The following PTPRT variants were observed in gnomAD, a reference collection of about 807,000 sequenced individuals.
PTPRT encodes receptor-type tyrosine-protein phosphatase T.
In PTPRT, 56 loss-of-function variants were observed where a neutral mutation model predicts 176.8. The ratio of observed to expected loss-of-function variants is 0.32; its 90% CI spans 0.26 to 0.40. The LOEUF (loss-of-function observed/expected upper bound fraction) is 0.40, where lower values mean the gene tolerates loss of function less well. PTPRT is among the 10% of genes least tolerant of loss of function. The probability of loss-of-function intolerance (pLI) is 1.00; values close to 1 mark genes in which losing one functional copy is unlikely to be tolerated. For missense variants in PTPRT, 1,540 were observed against 1,908.2 expected (o/e 0.81, Z 3.60); for synonymous variants, 783 against 739.0 (o/e 1.06, Z -0.96).
intron 9 of PTPRT, among the ~76,000 whole-genome samples, chr20:42,428,807 C>A (rs1368560810): frequency 6.6e-6 from 1 of 152,166 alleles, no homozygotes; most frequent in Admixed American, 6.5e-5. Context: ...TGACAGGGCA[C>A]CCCTCCTCAA....
intron 6 of PTPRT, among the ~76,000 whole-genome samples, chr20:42,686,515 A>C (rs1414823449): frequency 4.0e-5 from 4 of 100,148 alleles, no homozygotes; most frequent in African/African-American, 7.7e-5. Flanking sequence ...ACAGAGTCTC[A>C]CTCTGTCACC....
chr20:42,755,569 A>G (rs2076819100), intron 6 of PTPRT, among the ~76,000 whole-genome samples: 1 of 121,726 alleles, frequency 8.2e-6, no homozygotes, highest in Non-Finnish European at 1.6e-5. Context: ...AAACTGTCAA[A>G]CCATTTTTTT....
At chr20:42,242,377 C>T (rs570574587) in intron 14 of PTPRT, among the ~76,000 whole-genome samples, 5 of 152,318 alleles carry the variant, frequency 3.3e-5, no homozygotes, top group African/African-American at 9.6e-5. Context: ...TTGCAAGGCA[C>T]ACTGGAGATG....
At chr20:42,132,000 G>T (rs945447709) in intron 18 of PTPRT, among the ~76,000 whole-genome samples, 3 of 152,190 alleles carry the variant, frequency 2.0e-5, no homozygotes, top group African/African-American at 7.2e-5. Context: ...GGAGACAGAG[G>T]AGGCAGCAGC....
At chr20:43,083,341 T>C (rs6103148) in intron 1 of PTPRT, among the ~76,000 whole-genome samples, 1,626 of 40,360 alleles carry the variant, frequency 0.04, 105 homozygotes, top group East Asian at 0.11. Flanking sequence ...TATATATATA[T>C]ATATATATAT....
chr20:42,488,404 T>C (rs1268012100), intron 7 of PTPRT, among the ~76,000 whole-genome samples: 1 of 152,238 alleles, frequency 6.6e-6, no homozygotes, highest in Non-Finnish European at 1.5e-5. Context: ...CCTTTGGTAT[T>C]ATCCAATTTT....
intron 6 of PTPRT, among the ~76,000 whole-genome samples, chr20:42,749,513 C>A (rs1026471124): frequency 2.0e-5 from 3 of 152,222 alleles, no homozygotes; most frequent in African/African-American, 4.8e-5. Flanking sequence ...ATGGCCAAGG[C>A]AAGGCAAGCC....
At chr20:42,489,533 C>T (rs1480159869) in intron 7 of PTPRT, among the ~76,000 whole-genome samples, 1 of 151,744 alleles carries the variant, frequency 6.6e-6, no homozygotes, top group African/African-American at 2.4e-5. Context: ...TATTTTATCC[C>T]ATTCCCCACT....
intron 13 of PTPRT, 105 bp from the exon 14 acceptor site, chr20:42,248,927 G>GC: frequency 7.4e-7 from 1 of 1,360,374 alleles, no homozygotes; most frequent in Non-Finnish European, 1.0e-6. Context: ...CTAACTATGT[G>GC]CCAGGCACTG....
intron 7 of PTPRT, among the ~76,000 whole-genome samples, chr20:42,515,722 G>GA (rs2072052032): frequency 6.6e-6 from 1 of 152,070 alleles, no homozygotes; most frequent in Admixed American, 6.6e-5. Context: ...CCCAGATCAA[G>GA]AATGAACACA....
intron 9 of PTPRT, among the ~76,000 whole-genome samples, chr20:42,382,490 T>C (rs537398045): frequency 2.0e-5 from 3 of 152,270 alleles, no homozygotes; most frequent in Admixed American, 2.0e-4. Context: ...TAGGTGTTCA[T>C]GGACAAGACA....
At chr20:42,303,080 A>G (rs1002523192) in intron 12 of PTPRT, among the ~76,000 whole-genome samples, 1 of 152,196 alleles carries the variant, frequency 6.6e-6, no homozygotes, top group African/African-American at 2.4e-5. Context: ...AGGGACTTAG[A>G]CTTTCTATTA....
At chr20:42,981,277 A>T (rs1983256164) in intron 1 of PTPRT, among the ~76,000 whole-genome samples, 1 of 152,218 alleles carries the variant, frequency 6.6e-6, no homozygotes, top group South Asian at 2.1e-4. Flanking sequence ...AACAACAGAA[A>T]AAGTCCTTCT....
At chr20:42,695,032 G>A (rs1297307534) in intron 6 of PTPRT, among the ~76,000 whole-genome samples, 1 of 152,178 alleles carries the variant, frequency 6.6e-6, no homozygotes, top group Non-Finnish European at 1.5e-5. Flanking sequence ...GGGAGGCCGA[G>A]GCGGGAGGGT....
intron 7 of PTPRT, among the ~76,000 whole-genome samples, chr20:42,624,036 A>C (rs1005054740): frequency 1.4e-5 from 2 of 147,868 alleles, no homozygotes; most frequent in African/African-American, 2.5e-5. Context: ...AAAAAAAAAA[A>C]CCCTGCTGAA....
intron 9 of PTPRT, among the ~76,000 whole-genome samples, chr20:42,439,693 T>C (rs557986137): frequency 2.0e-4 from 30 of 152,270 alleles, no homozygotes; most frequent in East Asian, 1.2e-3. Context: ...ATTCATGCAA[T>C]GCTTCTTCCC....
At chr20:42,284,333 A>G (rs1222940946) in intron 12 of PTPRT, among the ~76,000 whole-genome samples, 3 of 152,202 alleles carry the variant, frequency 2.0e-5, no homozygotes, top group Non-Finnish European at 4.4e-5. Context: ...CTGCTTCTAC[A>G]TGTACAAGTG....
intron 7 of PTPRT, among the ~76,000 whole-genome samples, chr20:42,551,367 T>C (rs1806446119): frequency 6.6e-6 from 1 of 152,154 alleles, no homozygotes; most frequent in Non-Finnish European, 1.5e-5. Flanking sequence ...AAATGGTTCA[T>C]CTTTCCTCTT....
At chr20:43,117,594 G>A (rs1200477853) in intron 1 of PTPRT, among the ~76,000 whole-genome samples, 2 of 152,248 alleles carry the variant, frequency 1.3e-5, no homozygotes, top group East Asian at 3.9e-4. Flanking sequence ...ACGCACCAAA[G>A]GGACAGGGTA....
Sources: allele counts gnomAD v4.1 joint callset (sites outside exome capture counted in the v4.1 genomes callset), GRCh38; gene constraint gnomAD v4.1.1; transcripts MANE v1.5; gene names NCBI Gene and HGNC (gene_info 2026-07-23, HGNC 2026-07-21).